Variants in TSPAN15 observed in about 807,000 individuals in gnomAD.
The protein encoded by TSPAN15 is tetraspanin-15.
TSPAN15 carries 20 observed loss-of-function variants against 34.5 expected under a neutral mutation model. That is an observed-to-expected ratio of 0.58 (90% CI 0.41 to 0.84). The LOEUF is 0.84. Ranked by LOEUF, TSPAN15 falls within the 40% of genes least tolerant of loss-of-function variation. The probability of loss-of-function intolerance (pLI) is 0.00; values close to 1 mark genes in which losing one functional copy is unlikely to be tolerated. For synonymous variants in TSPAN15, 155 were observed against 153.9 expected (o/e 1.01, Z -0.05); for missense variants, 313 against 386.1 (o/e 0.81, Z 1.59).
intron 1 of TSPAN15, among the ~76,000 whole-genome samples, chr10:69,466,875 T>C (rs1308837354): frequency 6.6e-6 from 1 of 152,224 alleles, no homozygotes; most frequent in Non-Finnish European, 1.5e-5. Context: ...TATATTCCCA[T>C]GTCACAGTGG....
In TSPAN15 at chr10:69,498,334, G is replaced by C. The variant is rs780839062; in HGVS notation, c.508G>C (p.Asp170His). Residue 170 changes from aspartate (D) to histidine (H), a missense_variant, in exon 5 of 8, where the codon GAC becomes CAC. By Grantham distance (81) the Asp-to-His change is moderately conservative. Transcript: ENST00000373290. ...YRDWSKNQYH[D>H]CSAPGPLACG... is the part of the protein sequence containing the mutation. ...AGATTGGAGCAAGAATCAGTACCAC[G>C]ACTGCAGTGCCCCTGGACCCCTGGC... The C allele has an allele frequency of 6.2e-7, 1 of 1,613,870 alleles. No individual in the cohort carries two copies. Among genetic ancestry groups the C allele is most frequent in the East Asian group, 2.2e-5 (1 of 44,872 alleles).
chr10:69,534,514 A>G, the TSPAN15 span, among the ~76,000 whole-genome samples: 1 of 152,198 alleles, frequency 6.6e-6, no homozygotes, highest in African/African-American at 2.4e-5. Flanking sequence ...TTCAATAATC[A>G]TATCGGTGGT....
intron 2 of TSPAN15, chr10:69,484,095 C>T: frequency 2.1e-6 from 1 of 473,982 alleles, no homozygotes; most frequent in African/African-American, 1.9e-5. Context: ...CTTACTTAAA[C>T]TCTGTGTTCA....
At chr10:69,479,327 C>T (rs1464299553) in intron 1 of TSPAN15, among the ~76,000 whole-genome samples, 1 of 152,262 alleles carries the variant, frequency 6.6e-6, no homozygotes, top group South Asian at 2.1e-4. Context: ...TGGAACTGGG[C>T]CTCTCCCTGC....
At chr10:69,511,870 C>T (rs1211664486), downstream of TSPAN15, among the ~76,000 whole-genome samples, 2 of 145,282 alleles carry the variant, frequency 1.4e-5, no homozygotes, top group Admixed American at 1.5e-4. Context: ...TGTTCTCACT[C>T]GTAAGTGGGA....
chr10:69,519,876 G>T, the TSPAN15 span, among the ~76,000 whole-genome samples: 4 of 152,136 alleles, frequency 2.6e-5, no homozygotes, highest in African/African-American at 9.7e-5. Context: ...GGGATTACAG[G>T]CGTGTGCCAC....
At chr10:69,521,532 A>G in the TSPAN15 span, among the ~76,000 whole-genome samples, 1 of 147,898 alleles carries the variant, frequency 6.8e-6, no homozygotes, top group African/African-American at 2.5e-5. Context: ...CCAAGATCAC[A>G]CCAGTGCACT....
chr10:69,532,172 TA>T, the TSPAN15 span, among the ~76,000 whole-genome samples: 1 of 151,942 alleles, frequency 6.6e-6, no homozygotes, highest in Non-Finnish European at 1.5e-5. Flanking sequence ...TCTTCACAGT[TA>T]AAAAAATTGT....
intron 1 of TSPAN15, among the ~76,000 whole-genome samples, chr10:69,465,158 A>C (rs1841356778): frequency 6.6e-6 from 1 of 152,256 alleles, no homozygotes; most frequent in Non-Finnish European, 1.5e-5. Context: ...AGGCCTGGCC[A>C]GAGTCTCCCA....
At chr10:69,467,658 AC>A (rs1389125583) in intron 1 of TSPAN15, among the ~76,000 whole-genome samples, 8 of 151,766 alleles carry the variant, frequency 5.3e-5, no homozygotes, top group East Asian at 1.9e-4. Flanking sequence ...ACACACACAC[AC>A]ACACACACAC....
the TSPAN15 span, among the ~76,000 whole-genome samples, chr10:69,542,839 A>G: frequency 2.6e-5 from 4 of 152,256 alleles, no homozygotes; most frequent in South Asian, 6.2e-4. Flanking sequence ...GGATGGAGAC[A>G]TAGCCAAGCC....
chr10:69,536,384 T>C, the TSPAN15 span, among the ~76,000 whole-genome samples: 2 of 152,198 alleles, frequency 1.3e-5, no homozygotes, highest in Non-Finnish European at 2.9e-5. Flanking sequence ...GACACTATGC[T>C]AGGCATTGAA....
At chr10:69,532,631 A>G in the TSPAN15 span, among the ~76,000 whole-genome samples, 1 of 152,232 alleles carries the variant, frequency 6.6e-6, no homozygotes, top group Non-Finnish European at 1.5e-5. Context: ...CGAGGATTTC[A>G]TGACCAAGAA....
chr10:69,538,572 G>A, the TSPAN15 span, among the ~76,000 whole-genome samples: 1 of 152,220 alleles, frequency 6.6e-6, no homozygotes, highest in South Asian at 2.1e-4. Flanking sequence ...CAGGAGTGTG[G>A]GACTCCACAG....
chr10:69,503,690 G>A (rs1348151613), intron 5 of TSPAN15, among the ~76,000 whole-genome samples: 5 of 152,096 alleles, frequency 3.3e-5, no homozygotes, highest in African/African-American at 7.2e-5. Flanking sequence ...GTAGAGCAGC[G>A]GGGCTGGGGG....
rs767053947 is a variant in TSPAN15, at chr10:69,506,469, A to T, written c.735+229A>T. The T allele has an allele frequency of 3.4e-5, 20 of 595,962 alleles. No homozygotes were observed. Among genetic ancestry groups the T allele is most frequent in the Non-Finnish European group, 4.5e-5 (15 of 334,858 alleles). 36.9% of individuals were successfully genotyped at this position (595,962 alleles called of 1,614,324 possible). On this transcript the variant is annotated intron_variant, in intron 7 of 7. Coordinates refer to ENST00000373290, the MANE Select transcript of TSPAN15 (RefSeq NM_012339.5). The surrounding 1 kb of genome is among the most constrained non-coding windows in gnomAD (Gnocchi z 4.7). ...TTCTTTTTGTGAGGGAGGCACTATT[A>T]TAATGCCTATTTCACAGAGGAGGAA... is the stretch of plus-strand genomic sequence containing the variant.
chr10:69,535,552 C>T, the TSPAN15 span, among the ~76,000 whole-genome samples: 1 of 152,172 alleles, frequency 6.6e-6, no homozygotes, highest in African/African-American at 2.4e-5. Context: ...TGAACAGTAC[C>T]ATGGAGTAAC....
At chr10:69,534,158 G>A in the TSPAN15 span, among the ~76,000 whole-genome samples, 1 of 152,190 alleles carries the variant, frequency 6.6e-6, no homozygotes, top group Non-Finnish European at 1.5e-5. Flanking sequence ...GAAGAAAATG[G>A]AGTAACATAT....
At chr10:69,516,705 A>G in the TSPAN15 span, among the ~76,000 whole-genome samples, 1 of 152,220 alleles carries the variant, frequency 6.6e-6, no homozygotes, top group Non-Finnish European at 1.5e-5. Context: ...CCTTGCACTG[A>G]ACAGGCTATA....
Sources: gnomAD v4.1 joint callset for allele counts (sites outside exome capture counted in the v4.1 genomes callset) on GRCh38, gnomAD v4.1.1 for gene constraint, Gnocchi (gnomAD v3.1) non-coding constraint, MANE v1.5 for transcripts, NCBI Gene and HGNC (gene_info 2026-07-23, HGNC 2026-07-21) for gene names.